The following GPR176 variants were observed in gnomAD, a reference collection of about 807,000 sequenced individuals.
The protein encoded by GPR176 is G protein-coupled receptor 176, also known as G-protein coupled receptor 176.
In GPR176, 26 loss-of-function variants were observed where a neutral mutation model predicts 35.4. The observed-to-expected ratio is 0.74, with a 90% confidence interval of 0.54 to 1.02. GPR176 has a LOEUF of 1.02. GPR176 is among the 50% of genes least tolerant of loss of function. The pLI, the probability that GPR176 is intolerant of heterozygous loss-of-function variation, is 0.00. For synonymous variants in GPR176, 278 were observed against 271.3 expected (o/e 1.02, Z -0.24); for missense variants, 597 against 665.3 (o/e 0.90, Z 1.13).
At chr15:39,871,033 C>T (rs941616050) in intron 1 of GPR176, among the ~76,000 whole-genome samples, 1 of 152,180 alleles carries the variant, frequency 6.6e-6, no homozygotes, top group Non-Finnish European at 1.5e-5. Flanking sequence ...TTACCCATGA[C>T]AGAATCCTGG....
rs1264886860 is a variant in GPR176 at position 39,919,635 on chromosome 15, G to A, written c.172+220C>T. ...GGATCCCGCTCCATCCTCGGGCCAC[G>A]AGAAAGCCCTATTTGAACTCTTCTG... On this transcript the variant is annotated intron_variant, in intron 1 of 2. Coordinates refer to ENST00000561100, the MANE Select transcript of GPR176 (RefSeq NM_007223.3). 2.0e-5 allele frequency among the ~76,000 whole-genome samples: 3 copies of A among 152,320 alleles called. No individual in the cohort carries two copies. The South Asian group carries it at 6.2e-4, about 32-fold the overall frequency.
chr15:39,912,610 C>G (rs2025606466), intron 1 of GPR176, among the ~76,000 whole-genome samples: 1 of 149,228 alleles, frequency 6.7e-6, no homozygotes, highest in Admixed American at 6.7e-5. Context: ...AGAGTGAGAC[C>G]CTGTCTCAAA....
intron 1 of GPR176, among the ~76,000 whole-genome samples, chr15:39,858,174 A>G (rs1483712517): frequency 6.6e-6 from 1 of 152,074 alleles, no homozygotes; most frequent in East Asian, 1.9e-4. Flanking sequence ...TGAAAAGGGA[A>G]CTAGAAAAAC....
At chr15:39,833,374 T>A (rs1298926359) in intron 1 of GPR176, among the ~76,000 whole-genome samples, 1 of 152,086 alleles carries the variant, frequency 6.6e-6, no homozygotes, top group African/African-American at 2.4e-5. Context: ...CTCAAAAACA[T>A]CATGCTAAAT....
rs1898771387 is a variant in GPR176, at chr15:39,800,281, A to G, written c.*851T>C. 1.3e-5 allele frequency: 2 copies of G among 152,184 alleles called. No individual in the cohort carries two copies. The highest frequency in any genetic ancestry group is 2.4e-5 in the African/African-American group (1 of 41,426). The allele number at this position is 152,184 out of a possible 1,614,324, so 9.4% of individuals were successfully genotyped here. On this transcript the variant is annotated 3_prime_UTR_variant, in exon 3 of 3. Transcript: ENST00000561100. Reference sequence around the variant, plus strand: ...TGTGAGATCATAGGGAAGAAAAAAAAACTACAGCGCCATAGGCATCTCTCA... The same window carrying G: ...TGTGAGATCATAGGGAAGAAAAAAAGACTACAGCGCCATAGGCATCTCTCA...
intron 1 of GPR176, among the ~76,000 whole-genome samples, chr15:39,898,494 T>C (rs2033184189): frequency 6.6e-6 from 1 of 152,128 alleles, no homozygotes; most frequent in Admixed American, 6.5e-5. Context: ...AAGGAACAGC[T>C]GAAGAATGAG....
intron 1 of GPR176, among the ~76,000 whole-genome samples, chr15:39,849,776 G>GCTAA (rs1256916552): frequency 3.3e-5 from 5 of 152,088 alleles, no homozygotes; most frequent in Non-Finnish European, 7.4e-5. Context: ...AACACCAATA[G>GCTAA]CTAACATTAT....
At chr15:39,896,897 G>A (rs1041889621) in intron 1 of GPR176, among the ~76,000 whole-genome samples, 1 of 152,246 alleles carries the variant, frequency 6.6e-6, no homozygotes, top group Admixed American at 6.5e-5. Flanking sequence ...GAATAGATTT[G>A]TGTGACCAAG....
intron 1 of GPR176, among the ~76,000 whole-genome samples, chr15:39,910,183 G>A (rs528761892): frequency 1.3e-5 from 2 of 152,230 alleles, no homozygotes; most frequent in Non-Finnish European, 2.9e-5. Context: ...GGTATATGTT[G>A]TAAACTATAA....
At chr15:39,885,034 G>C (rs141982318) in intron 1 of GPR176, among the ~76,000 whole-genome samples, 1 of 152,262 alleles carries the variant, frequency 6.6e-6, no homozygotes, top group Non-Finnish European at 1.5e-5. Context: ...ACCTCAAACT[G>C]TCTACTAACT....
chr15:39,811,655 A>G lies in GPR176; in HGVS notation c.173-4397T>C, dbSNP rs141667621. 8.9e-3 allele frequency among the ~76,000 whole-genome samples: 1,353 copies of G among 152,172 alleles called. 13 individuals carry two copies. The highest frequency in any genetic ancestry group is 0.011 in the Non-Finnish European group (735 of 67,966). Reference sequence around the variant, plus strand: ...CCAGATTCGGGGTGTGGTGGCTCACACCTGTAATCCCAGCACTTTGGGAGG... The same window carrying G: ...CCAGATTCGGGGTGTGGTGGCTCACGCCTGTAATCCCAGCACTTTGGGAGG... On this transcript the variant is annotated intron_variant, in intron 1 of 2. Transcript: ENST00000561100.
chr15:39,801,553 C>CTAATGTGG lies in GPR176; in HGVS notation c.1126_1127insCCACATTA (p.Gly376AlafsTer53), dbSNP rs1892750343. 3 of 1,614,150 alleles carry CTAATGTGG rather than the reference C, an allele frequency of 1.9e-6. No homozygotes were observed. Among genetic ancestry groups the CTAATGTGG allele is most frequent in the Non-Finnish European group, 2.5e-6 (3 of 1,179,992 alleles). On this transcript the variant is annotated frameshift_variant, in exon 3 of 3. Coordinates refer to ENST00000561100, the MANE Select transcript of GPR176 (RefSeq NM_007223.3). LOFTEE classifies it high-confidence loss of function. Reference sequence around the variant, plus strand: ...TGTGGGCTTAAAGATCTGCTGCTGCCCAATGTGGAACATCTCCAGGAGCTG... The same window carrying CTAATGTGG: ...TGTGGGCTTAAAGATCTGCTGCTGCCTAATGTGGCAATGTGGAACATCTCCAGGAGCTG...
chr15:39,916,507 T>C (rs914235190), intron 1 of GPR176, among the ~76,000 whole-genome samples: 1 of 152,158 alleles, frequency 6.6e-6, no homozygotes, highest in African/African-American at 2.4e-5. Context: ...TTTTTCCTAA[T>C]ACAAGACACT....
At chr15:39,854,405 T>G (rs926783813) in intron 1 of GPR176, among the ~76,000 whole-genome samples, 3 of 152,114 alleles carry the variant, frequency 2.0e-5, no homozygotes. Context: ...GAGTGGAAAT[T>G]TCCTTGAACC....
intron 1 of GPR176, among the ~76,000 whole-genome samples, chr15:39,907,703 G>A (rs1382293748): frequency 6.6e-6 from 1 of 152,134 alleles, no homozygotes; most frequent in Non-Finnish European, 1.5e-5. Context: ...TCTTCTGGGG[G>A]GCTACATCGA....
At chr15:39,909,231 A>T (rs370689248) in intron 1 of GPR176, among the ~76,000 whole-genome samples, 2 of 152,262 alleles carry the variant, frequency 1.3e-5, no homozygotes, top group East Asian at 1.9e-4. Context: ...TTCTCTCTGT[A>T]AGGTCAGGGA....
chr15:39,907,698 TG>T (rs1275785954), intron 1 of GPR176, among the ~76,000 whole-genome samples: 3 of 152,230 alleles, frequency 2.0e-5, no homozygotes, highest in Non-Finnish European at 4.4e-5. Flanking sequence ...CATCATCTTC[TG>T]GGGGGCTACA....
At chr15:39,893,552 CT>C (rs1438622324) in intron 1 of GPR176, among the ~76,000 whole-genome samples, 2 of 152,274 alleles carry the variant, frequency 1.3e-5, no homozygotes, top group East Asian at 3.8e-4. Context: ...TTTTCCCCAA[CT>C]TTCCCGCCTT....
intron 1 of GPR176, among the ~76,000 whole-genome samples, chr15:39,853,854 G>C (rs746782237): frequency 6.6e-6 from 1 of 152,066 alleles, no homozygotes; most frequent in Non-Finnish European, 1.5e-5. Context: ...CTGCTCAAGA[G>C]TTTTCTGTTC....
Sources: allele counts gnomAD v4.1 joint callset (sites outside exome capture counted in the v4.1 genomes callset), GRCh38; gene constraint gnomAD v4.1.1; transcripts MANE v1.5; gene names NCBI Gene and HGNC (gene_info 2026-07-23, HGNC 2026-07-21).